Variants in SERPINB11 observed in about 807,000 individuals in gnomAD.
The protein encoded by SERPINB11 is serpin family B member 11.
In SERPINB11, 32 loss-of-function variants were observed where a neutral mutation model predicts 36.7. The ratio of observed to expected loss-of-function variants is 0.87; its 90% confidence interval spans 0.66 to 1.17. SERPINB11 has a LOEUF of 1.17. Ranked by LOEUF, SERPINB11 falls within the 50% of genes most tolerant of loss-of-function variation. SERPINB11 has a pLI of 0.00. For missense variants in SERPINB11, 528 were observed against 458.4 expected (o/e 1.15, Z -1.39); for synonymous variants, 174 against 168.1 (o/e 1.04, Z -0.27).
intron 5 of SERPINB11, 67 bp from the exon 6 acceptor site, chr18:63,719,946 A>G (rs1914759482): frequency 8.4e-6 from 11 of 1,315,258 alleles, no homozygotes; most frequent in South Asian, 1.6e-5. Flanking sequence ...TAAATTTCTC[A>G]TGACTCTTCA....
At chr18:63,711,244 TA>T in intron 2 of SERPINB11, 90 bp from the exon 3 acceptor site, 1 of 904,556 alleles carries the variant, frequency 1.1e-6, no homozygotes, top group Non-Finnish European at 1.8e-6. Flanking sequence ...GATCTTGATC[TA>T]AAATAGAAAA....
At chr18:63,722,078 C>A (rs1369363523) in intron 7 of SERPINB11, among the ~76,000 whole-genome samples, 8 of 152,102 alleles carry the variant, frequency 5.3e-5, no homozygotes, top group Admixed American at 5.2e-4. Context: ...ATCACAGGGG[C>A]CCTGCTAAAC....
chr18:63,714,432 T>G (rs565847802), intron 4 of SERPINB11, among the ~76,000 whole-genome samples: 2 of 152,184 alleles, frequency 1.3e-5, no homozygotes, highest in South Asian at 2.1e-4. Flanking sequence ...TGACTAAAAT[T>G]TACTAGTCAG....
At chr18:63,717,747 G>A (rs114306532) in intron 5 of SERPINB11, among the ~76,000 whole-genome samples, 14 of 151,474 alleles carry the variant, frequency 9.2e-5, no homozygotes, top group African/African-American at 2.9e-4. Flanking sequence ...GGATACCTAC[G>A]TTGCAAGTAA....
chr18:63,722,325 C>T (rs772473951), intron 7 of SERPINB11, among the ~76,000 whole-genome samples: 2 of 152,154 alleles, frequency 1.3e-5, no homozygotes, highest in Non-Finnish European at 2.9e-5. Context: ...TGGTTTGCAG[C>T]TGTGGACAGG....
At position 63,712,600 on chromosome 18, in the gene SERPINB11, T is replaced by C. The variant is rs757364574; in HGVS notation, c.264T>C (p.Gly88=). Reference sequence around the variant, plus strand: ...CTGGAAGAATTCATTCCGAGTTTGGTGTCGAATTCTCTCAAATCAACCAGC... The same window carrying C: ...CTGGAAGAATTCATTCCGAGTTTGGCGTCGAATTCTCTCAAATCAACCAGC... ...SQAGRIHSEF[G]VEFSQINQPD... Residue 88 remains glycine, a synonymous_variant, in exon 4 of 8, where the codon GGT becomes GGC. Transcript: ENST00000544088. The C allele has an allele frequency of 3.1e-6, 5 of 1,613,700 alleles. No homozygotes were observed. The highest frequency in any genetic ancestry group is 4.2e-6 in the Non-Finnish European group (5 of 1,179,674).
Position 63,720,946 on chromosome 18 carries a change from T to A in SERPINB11, c.734T>A (p.Met245Lys), listed in dbSNP as rs754895151. ...CCCTACGTTAACAACAAATTAAGCA[T>A]GATTATTCTGCTTCCAGTAGGCATA... ...ELPYVNNKLS[M>K]IILLPVGIAN... Residue 245 changes from methionine to lysine, a missense_variant, in exon 7 of 8, where the codon ATG (methionine) becomes AAG (lysine). By Grantham distance (95) the Met-to-Lys change is moderately conservative. Transcript: ENST00000544088. 4.3e-6 allele frequency: 7 copies of A among 1,609,992 alleles called. No homozygotes were observed. Among genetic ancestry groups the A allele is most frequent in the Non-Finnish European group, 5.9e-6 (7 of 1,178,408 alleles).
intron 4 of SERPINB11, among the ~76,000 whole-genome samples, chr18:63,714,476 A>G (rs4413074): frequency 0.37 from 56,070 of 151,562 alleles, 11,166 homozygotes; most frequent in East Asian, 0.61. Flanking sequence ...TGGGAGTGCT[A>G]CGGGAGACCG....
At chr18:63,718,090 A>C (rs952595930) in intron 5 of SERPINB11, among the ~76,000 whole-genome samples, 2 of 152,026 alleles carry the variant, frequency 1.3e-5, no homozygotes, top group African/African-American at 4.8e-5. Flanking sequence ...TGTAAATTTT[A>C]TCATAAATTA....
rs1265403184 is a variant in SERPINB11, at chr18:63,711,409, C to A, written c.228+15C>A. On this transcript the variant is annotated intron_variant, in intron 3 of 7. Coordinates refer to ENST00000544088, the MANE Select transcript of SERPINB11 (RefSeq NM_001370475.1). ...ACTCACCTAAGGTATGATAATATTA[C>A]TGAGTTGTCAAATGCTCTTTAACCT... 6.4e-7 allele frequency: 1 copy of A among 1,561,834 alleles called. No individual in the cohort carries two copies. Among genetic ancestry groups the A allele is most frequent in the Admixed American group, 1.7e-5 (1 of 59,626 alleles).
Position 63,723,558 on chromosome 18 carries a change from G to A in SERPINB11, c.*159G>A. ...AGGATTTCTTCCAACCATTTCATGA[G>A]TTGTGAAGCTAAGGCTTTGTTAATC... On this transcript the variant is annotated 3_prime_UTR_variant, in exon 8 of 8. Transcript: ENST00000544088. 1 of 616,212 alleles carries A rather than the reference G, an allele frequency of 1.6e-6. No individual in the cohort carries two copies. 38.2% of individuals were successfully genotyped at this position (616,212 alleles called of 1,614,324 possible). A position where few individuals can be genotyped will look rare whatever the true frequency, so the allele number is the denominator to read the frequency against.
At position 63,720,041 on chromosome 18, in the gene SERPINB11, C is replaced by G. The variant is rs1487512235; in HGVS notation, c.504C>G (p.Ser168Arg). The change falls in exon 6 of 8, where the codon AGC becomes AGG. Residue 168 changes from serine (S) to arginine (R), a missense_variant. Ser to Arg is a moderately radical substitution (Grantham distance 110). Coordinates refer to ENST00000544088, the MANE Select transcript of SERPINB11 (RefSeq NM_001370475.1). ...NGKVANLFGK[S>R]TIDPSSVMVL... ...AAGTCGCAAATCTCTTTGGAAAGAG[C>G]ACAATTGACCCTTCATCTGTAATGG... 6.2e-7 allele frequency: 1 copy of G among 1,605,080 alleles called. No homozygotes were observed. Among genetic ancestry groups the G allele is most frequent in the Admixed American group, 1.7e-5 (1 of 57,826 alleles).
At position 63,720,666 on chromosome 18, in the gene SERPINB11, G is replaced by A. The variant is rs975127997; in HGVS notation, c.619-165G>A. 4 of 554,454 alleles carry A rather than the reference G, an allele frequency of 7.2e-6. No homozygotes were observed. In the South Asian group the frequency reaches 8.3e-5, roughly 12 times the overall value. 34.3% of individuals were successfully genotyped at this position (554,454 alleles called of 1,614,324 possible). On this transcript the variant is annotated intron_variant, in intron 6 of 7. Coordinates refer to ENST00000544088, the MANE Select transcript of SERPINB11 (RefSeq NM_001370475.1). ...ATGACTTATTTTAAATTAAAAAAAT[G>A]GATAACCTTTGCAAAGGGAAGTAAT...
chr18:63,703,966 T>TGGA (rs1555687176), intron 1 of SERPINB11, among the ~76,000 whole-genome samples: 2 of 151,586 alleles, frequency 1.3e-5, no homozygotes, highest in Non-Finnish European at 2.9e-5. Context: ...CTCATTTGCT[T>TGGA]GAAGATTTTT....
intron 4 of SERPINB11, 145 bp downstream of exon 4, chr18:63,712,838 G>T (rs1446167707): frequency 4.2e-6 from 4 of 945,628 alleles, no homozygotes; most frequent in Non-Finnish European, 6.3e-6. Flanking sequence ...CAGTGAAATG[G>T]ATTTATTGAA....
intron 7 of SERPINB11, among the ~76,000 whole-genome samples, chr18:63,721,515 C>G (rs1914812814): frequency 6.6e-6 from 1 of 152,216 alleles, no homozygotes; most frequent in African/African-American, 2.4e-5. Flanking sequence ...AGCTGCCCAG[C>G]ATAGAGCAGG....
chr18:63,715,375 T>C (rs1298509863), intron 4 of SERPINB11, among the ~76,000 whole-genome samples: 4 of 152,124 alleles, frequency 2.6e-5, no homozygotes, highest in Non-Finnish European at 5.9e-5. Flanking sequence ...CAGGAGGGCC[T>C]CCGGAGTAAA....
chr18:63,721,084 C>A, intron 7 of SERPINB11, 98 bp downstream of exon 7: 1 of 1,123,972 alleles, frequency 8.9e-7, no homozygotes, highest in Non-Finnish European at 1.3e-6. Flanking sequence ...TTAGCGTAGT[C>A]ATTGATTCAC....
chr18:63,704,615 A>C lies in SERPINB11; in HGVS notation c.-16+1609A>C, dbSNP rs61492651. Among the ~76,000 whole-genome samples, 6 of 152,366 alleles carry C rather than the reference A, an allele frequency of 3.9e-5. No homozygotes were observed. The East Asian group carries it at 1.2e-3, about 29-fold the overall frequency. On this transcript the variant is annotated intron_variant, in intron 1 of 7. Coordinates refer to ENST00000544088, the MANE Select transcript of SERPINB11 (RefSeq NM_001370475.1). ...CATTAATACAAAGTTCATTTGAATT[A>C]ACTATAATTATGTATTGCCAATGAT...
Sources: allele counts gnomAD v4.1 joint callset (sites outside exome capture counted in the v4.1 genomes callset), GRCh38; gene constraint gnomAD v4.1.1; transcripts MANE v1.5; gene names NCBI Gene and HGNC (gene_info 2026-07-23, HGNC 2026-07-21).